Variants in PDE4B observed in about 807,000 individuals in gnomAD.
PDE4B encodes phosphodiesterase 4B.
PDE4B carries 20 observed loss-of-function variants against 82.2 expected under a neutral mutation model. The observed-to-expected ratio is 0.24, with a 90% CI of 0.17 to 0.35. The LOEUF (loss-of-function observed/expected upper bound fraction) is 0.35, where lower values mean the gene tolerates loss of function less well. PDE4B is among the 10% of genes least tolerant of loss of function. The pLI is 1.00. For missense variants in PDE4B, 655 were observed against 907.2 expected (o/e 0.72, Z 3.57); for synonymous variants, 320 against 318.9 (o/e 1.00, Z -0.04).
chr1:65,824,658 T>A (rs976986750), intron 1 of PDE4B, among the ~76,000 whole-genome samples: 2 of 150,090 alleles, frequency 1.3e-5, no homozygotes, highest in African/African-American at 4.9e-5. Flanking sequence ...AATATATACA[T>A]ACATATATAT....
chr1:66,050,052 G>A (rs138093762), intron 3 of PDE4B, among the ~76,000 whole-genome samples: 2 of 151,946 alleles, frequency 1.3e-5, no homozygotes, highest in Non-Finnish European at 2.9e-5. Flanking sequence ...CTTTTACCTA[G>A]GTTTCTTTGA....
intron 1 of PDE4B, among the ~76,000 whole-genome samples, chr1:65,868,361 G>C (rs1222804079): frequency 6.6e-6 from 1 of 152,164 alleles, no homozygotes; most frequent in Non-Finnish European, 1.5e-5. Flanking sequence ...GTACAAGAAA[G>C]CGCAATTAAT....
chr1:66,347,193 C>T (rs1379653646), intron 8 of PDE4B, among the ~76,000 whole-genome samples: 1 of 152,150 alleles, frequency 6.6e-6, no homozygotes, highest in Non-Finnish European at 1.5e-5. Flanking sequence ...CCTAACAAAC[C>T]TATGCATCTT....
chr1:65,847,743 C>T (rs916444944), intron 1 of PDE4B, among the ~76,000 whole-genome samples: 3 of 152,114 alleles, frequency 2.0e-5, no homozygotes, highest in Admixed American at 6.6e-5. Context: ...AGGGAAAGTC[C>T]GGAAAGGTGG....
intron 3 of PDE4B, among the ~76,000 whole-genome samples, chr1:66,023,206 G>A (rs1653241390): frequency 6.6e-6 from 1 of 152,166 alleles, no homozygotes; most frequent in South Asian, 2.1e-4. Context: ...CTAAAAGGTA[G>A]TTAATGCAGC....
intron 1 of PDE4B, among the ~76,000 whole-genome samples, chr1:65,867,354 A>C (rs1020822260): frequency 1.3e-5 from 2 of 152,248 alleles, no homozygotes; most frequent in Non-Finnish European, 2.9e-5. Flanking sequence ...ATTCTGTTCA[A>C]ATATTAGGTG....
intron 3 of PDE4B, among the ~76,000 whole-genome samples, chr1:66,125,017 T>A (rs2101090770): frequency 6.6e-6 from 1 of 151,724 alleles, no homozygotes; most frequent in African/African-American, 2.4e-5. Context: ...TAGACTCTGG[T>A]CATCTGTGTG....
chr1:66,172,265 C>T (rs530598943), intron 3 of PDE4B, among the ~76,000 whole-genome samples: 88 of 152,242 alleles, frequency 5.8e-4, no homozygotes, highest in African/African-American at 1.9e-3. Flanking sequence ...TCCATATTGC[C>T]GCAAAGGACA....
chr1:65,863,335 G>A (rs1252903819), intron 1 of PDE4B, among the ~76,000 whole-genome samples: 1 of 152,116 alleles, frequency 6.6e-6, no homozygotes, highest in African/African-American at 2.4e-5. Context: ...TCTTAATGCT[G>A]AGTTCTAATT....
At chr1:66,195,500 G>A (rs1648221795) in intron 3 of PDE4B, among the ~76,000 whole-genome samples, 2 of 152,256 alleles carry the variant, frequency 1.3e-5, no homozygotes, top group African/African-American at 4.8e-5. Flanking sequence ...TCTTTCTAAA[G>A]AGCACCATCC....
chr1:65,890,311 C>T (rs1026227509), intron 1 of PDE4B, among the ~76,000 whole-genome samples: 2 of 151,964 alleles, frequency 1.3e-5, no homozygotes, highest in Non-Finnish European at 2.9e-5. Context: ...GTGTGGGTGG[C>T]TGAGCACATC....
chr1:66,039,559 A>G (rs1399115707), intron 3 of PDE4B, among the ~76,000 whole-genome samples: 1 of 151,846 alleles, frequency 6.6e-6, no homozygotes, highest in Non-Finnish European at 1.5e-5. Context: ...ACTTTCTCTC[A>G]TGTCTCTATA....
At chr1:65,864,836 CG>C (rs1035539247) in intron 1 of PDE4B, among the ~76,000 whole-genome samples, 15 of 152,304 alleles carry the variant, frequency 9.8e-5, no homozygotes, top group African/African-American at 3.1e-4. Flanking sequence ...TTAGGAGGCA[CG>C]GGGTTCAGGG....
intron 3 of PDE4B, among the ~76,000 whole-genome samples, chr1:65,961,063 AAAC>A (rs1649520102): frequency 6.6e-6 from 1 of 152,176 alleles, no homozygotes; most frequent in African/African-American, 2.4e-5. Context: ...AAAACAGATG[AAAC>A]CTTTGCCCGT....
chr1:66,261,410 C>T (rs978906614), intron 6 of PDE4B, among the ~76,000 whole-genome samples: 2 of 152,086 alleles, frequency 1.3e-5, no homozygotes, highest in African/African-American at 4.8e-5. Context: ...GTTATCTTAA[C>T]AGCTGAAACT....
chr1:66,141,174 G>A (rs1646162626), intron 3 of PDE4B, among the ~76,000 whole-genome samples: 1 of 151,482 alleles, frequency 6.6e-6, no homozygotes, highest in Admixed American at 6.6e-5. Context: ...AGCTCTTACT[G>A]TGCTCCCTGC....
At chr1:66,221,950 G>T (rs1185651920) in intron 3 of PDE4B, among the ~76,000 whole-genome samples, 1 of 151,548 alleles carries the variant, frequency 6.6e-6, no homozygotes, top group Admixed American at 6.6e-5. Flanking sequence ...GGCTGAATAT[G>T]CTGGAAATCC....
intron 3 of PDE4B, among the ~76,000 whole-genome samples, chr1:65,946,586 G>A (rs1047531024): frequency 3.3e-5 from 5 of 151,798 alleles, no homozygotes; most frequent in Admixed American, 6.6e-5. Flanking sequence ...TTTCTACTGG[G>A]GCCCAATGGT....
chr1:65,872,895 A>G (rs1470519125), intron 1 of PDE4B, among the ~76,000 whole-genome samples: 1 of 152,206 alleles, frequency 6.6e-6, no homozygotes, highest in African/African-American at 2.4e-5. Flanking sequence ...CTTTACTGAT[A>G]AAACGACTGA....
Sources: gnomAD v4.1 joint callset for allele counts (sites outside exome capture counted in the v4.1 genomes callset) on GRCh38, gnomAD v4.1.1 for gene constraint, MANE v1.5 for transcripts, NCBI Gene and HGNC (gene_info 2026-07-23, HGNC 2026-07-21) for gene names.